AGPS: variants seen among roughly 807,000 people sequenced by gnomAD.
The protein encoded by AGPS is alkylglycerone phosphate synthase.
AGPS carries 26 observed loss-of-function variants against 90.7 expected under a neutral mutation model. The ratio of observed to expected loss-of-function variants is 0.29; its 90% CI spans 0.21 to 0.40. The LOEUF is 0.40. AGPS is among the 10% of genes least tolerant of loss of function. The pLI, the probability that AGPS is intolerant of heterozygous loss-of-function variation, is 1.00. For synonymous variants in AGPS, 294 were observed against 285.3 expected (o/e 1.03, Z -0.31); for missense variants, 540 against 816.1 (o/e 0.66, Z 4.12).
intron 2 of AGPS, among the ~76,000 whole-genome samples, chr2:177,432,295 A>C (rs1441101745): frequency 6.6e-6 from 1 of 152,222 alleles, no homozygotes; most frequent in African/African-American, 2.4e-5. Flanking sequence ...TTTACAACAA[A>C]AGCCATTTAA....
intron 19 of AGPS, among the ~76,000 whole-genome samples, chr2:177,524,971 T>C (rs1280627562): frequency 6.6e-6 from 1 of 152,226 alleles, no homozygotes; most frequent in Non-Finnish European, 1.5e-5. Flanking sequence ...TTTAATCTTT[T>C]GCTATACTTT....
intron 2 of AGPS, among the ~76,000 whole-genome samples, chr2:177,430,116 C>G (rs1031237162): frequency 1.3e-5 from 2 of 152,230 alleles, no homozygotes; most frequent in African/African-American, 4.8e-5. Context: ...GATTCCTTCT[C>G]ATTCAGACCA....
chr2:177,499,817 T>A, intron 14 of AGPS, 87 bp downstream of exon 14: 1 of 866,020 alleles, frequency 1.2e-6, no homozygotes, highest in Non-Finnish European at 1.9e-6. Context: ...TACTAGGCAT[T>A]AATGTCTCCA....
In AGPS at chr2:177,521,372, A is replaced by G. The variant is rs1689188302; in HGVS notation, c.1797+4A>G. ...GACCGTATTTGAACAAACTGAGGTAATTTTGCATACCTGCATATAGCTTTT... is the reference window on the plus strand; with the variant it reads ...GACCGTATTTGAACAAACTGAGGTAGTTTTGCATACCTGCATATAGCTTTT... On this transcript the variant is annotated splice_donor_region_variant and intron_variant, in intron 18 of 19. Coordinates refer to ENST00000264167, the MANE Select transcript of AGPS (RefSeq NM_003659.4). The G allele has an allele frequency of 6.2e-7, 1 of 1,602,908 alleles. No individual in the cohort carries two copies. The highest frequency in any genetic ancestry group is 1.7e-5 in the Admixed American group (1 of 59,988).
At chr2:177,465,116 A>G (rs1267784517) in intron 9 of AGPS, among the ~76,000 whole-genome samples, 1 of 152,156 alleles carries the variant, frequency 6.6e-6, no homozygotes, top group Non-Finnish European at 1.5e-5. Flanking sequence ...CAACAGAGCA[A>G]GATGTCATCT....
intron 8 of AGPS, among the ~76,000 whole-genome samples, chr2:177,453,529 C>G (rs1285731095): frequency 6.6e-6 from 1 of 151,846 alleles, no homozygotes; most frequent in African/African-American, 2.4e-5. Flanking sequence ...CTCAGCCTCC[C>G]AAAATGCTGG....
intron 10 of AGPS, among the ~76,000 whole-genome samples, chr2:177,469,923 A>G (rs1191920139): frequency 1.3e-5 from 2 of 152,212 alleles, no homozygotes; most frequent in East Asian, 3.8e-4. Context: ...ATAACAGACA[A>G]TTATACAACA....
rs146936943 is a variant in AGPS, at chr2:177,457,678, G to A, written c.871-4215G>A. 6.8e-3 allele frequency among the ~76,000 whole-genome samples: 1,030 copies of A among 152,266 alleles called. 11 individuals are homozygous for A. The highest frequency in any genetic ancestry group is 0.024 in the African/African-American group (978 of 41,554). On this transcript the variant is annotated intron_variant, in intron 8 of 19. Transcript: ENST00000264167. ...TAAACCAATAAGAAGTCCTGAAATT[G>A]AGGCAGTAATTAATAGCCTACCAAC...
At chr2:177,437,206 T>C in intron 5 of AGPS, 152 bp downstream of exon 5, 1 of 759,806 alleles carries the variant, frequency 1.3e-6, no homozygotes, top group South Asian at 1.6e-5. Context: ...TGAAGCTCTT[T>C]CTTGACTTGG....
intron 10 of AGPS, among the ~76,000 whole-genome samples, chr2:177,481,510 T>A (rs1424441380): frequency 2.6e-5 from 4 of 151,956 alleles, no homozygotes; most frequent in Admixed American, 6.6e-5. Context: ...CATCTGGTAT[T>A]TTTTGTTTCT....
At chr2:177,460,916 G>T (rs2105664770) in intron 8 of AGPS, among the ~76,000 whole-genome samples, 1 of 152,276 alleles carries the variant, frequency 6.6e-6, no homozygotes, top group African/African-American at 2.4e-5. Context: ...AATTTGTATT[G>T]CTGATATGCA....
intron 2 of AGPS, among the ~76,000 whole-genome samples, chr2:177,427,182 A>G (rs1463629159): frequency 6.6e-6 from 1 of 152,014 alleles, no homozygotes; most frequent in African/African-American, 2.4e-5. Flanking sequence ...GATTGTTTGT[A>G]TTTCTGTAGT....
At chr2:177,461,229 TC>T (rs1275788688) in intron 8 of AGPS, among the ~76,000 whole-genome samples, 3 of 152,252 alleles carry the variant, frequency 2.0e-5, no homozygotes, top group African/African-American at 7.2e-5. Context: ...GTAAAGGGCA[TC>T]TATTCAATCT....
chr2:177,402,990 G>A (rs912976286), intron 1 of AGPS, among the ~76,000 whole-genome samples: 4 of 152,214 alleles, frequency 2.6e-5, no homozygotes, highest in Non-Finnish European at 5.9e-5. Flanking sequence ...CTGGGAGGTG[G>A]AGGTTGCAGT....
chr2:177,412,757 C>A (rs1685655577), intron 1 of AGPS, among the ~76,000 whole-genome samples: 1 of 152,188 alleles, frequency 6.6e-6, no homozygotes, highest in Middle Eastern at 3.4e-3. Context: ...CTCACGGATT[C>A]CAAGGAATGG....
intron 19 of AGPS, among the ~76,000 whole-genome samples, chr2:177,526,372 G>A (rs2105737306): frequency 6.6e-6 from 1 of 152,056 alleles, no homozygotes; most frequent in African/African-American, 2.4e-5. Flanking sequence ...TGGGATTACA[G>A]GCATGCGCCA....
intron 2 of AGPS, 78 bp from the exon 3 acceptor site, chr2:177,434,249 T>C: frequency 9.8e-7 from 1 of 1,017,510 alleles, no homozygotes; most frequent in Non-Finnish European, 1.5e-6. Context: ...TGCTTGACCA[T>C]CACTGGAAGC....
chr2:177,465,053 C>G (rs554267733), intron 9 of AGPS, among the ~76,000 whole-genome samples: 29 of 152,136 alleles, frequency 1.9e-4, no homozygotes, highest in African/African-American at 6.7e-4. Context: ...ACCTGTAATC[C>G]CAGCACTTTG....
rs747053942 is a variant in AGPS at position 177,420,364 on chromosome 2, C to T, written c.350+6C>T. On this transcript the variant is annotated splice_donor_region_variant and intron_variant, in intron 2 of 19. Coordinates refer to ENST00000264167, the MANE Select transcript of AGPS (RefSeq NM_003659.4). ...ATTGAATTGACTGGGAAAAGGTAACCCTGGTTTATTTCTTCTTTTGTTCCT... is the reference window on the plus strand; with the variant it reads ...ATTGAATTGACTGGGAAAAGGTAACTCTGGTTTATTTCTTCTTTTGTTCCT... 6 of 1,589,982 alleles carry T rather than the reference C, an allele frequency of 3.8e-6. No homozygotes were observed. In the African/African-American group the frequency reaches 4.0e-5, roughly 11 times the overall value.
Sources: gnomAD v4.1 joint callset for allele counts (sites outside exome capture counted in the v4.1 genomes callset) on GRCh38, gnomAD v4.1.1 for gene constraint, MANE v1.5 for transcripts, NCBI Gene and HGNC (gene_info 2026-07-23, HGNC 2026-07-21) for gene names.